The following ELL2 variants were observed in gnomAD, a reference collection of about 807,000 sequenced individuals.
ELL2 encodes elongation factor for RNA polymerase II 2.
ELL2 carries 21 observed loss-of-function variants against 72.8 expected under a neutral mutation model. The ratio of observed to expected loss-of-function variants is 0.29; its 90% CI spans 0.20 to 0.42. The LOEUF (loss-of-function observed/expected upper bound fraction) is 0.42, where lower values mean the gene tolerates loss of function less well. Among genes scored for constraint, ELL2 ranks in the 10% least tolerant of loss-of-function variants. The pLI is 1.00. For synonymous variants in ELL2, 266 were observed against 283.2 expected (o/e 0.94, Z 0.61); for missense variants, 568 against 772.8 (o/e 0.73, Z 3.14).
rs199989843 is a variant in ELL2 at position 95,936,332 on chromosome 5, GTA to G, written c.195+6668_195+6669del. Among the ~76,000 whole-genome samples, 9 of 152,294 alleles carry G rather than the reference GTA, an allele frequency of 5.9e-5. No homozygotes were observed. In the East Asian group the frequency reaches 1.7e-3, roughly 29 times the overall value. ...AGAATGTATACGTACCTATATATATGTATAGTCTCCAAACATTGTTATGACAG... is the reference window on the plus strand; with the variant it reads ...AGAATGTATACGTACCTATATATATGTAGTCTCCAAACATTGTTATGACAG... On this transcript the variant is annotated intron_variant, in intron 2 of 11. Coordinates refer to ENST00000237853, the MANE Select transcript of ELL2 (RefSeq NM_012081.6).
rs1409037840 is a variant in ELL2, at chr5:95,961,751, G to A, written c.-30C>T. The A allele has an allele frequency of 6.4e-7, 1 of 1,571,108 alleles. No individual in the cohort carries two copies. On this transcript the variant is annotated 5_prime_UTR_variant, in exon 1 of 12. Coordinates refer to ENST00000237853, the MANE Select transcript of ELL2 (RefSeq NM_012081.6). The stretch of plus-strand genomic sequence containing the variant: ...AACTCCCCGGGGTGCCGCCGCCGCC[G>A]CCGCTCCGGCTCTAGCCTCCACTGC...
intron 3 of ELL2, among the ~76,000 whole-genome samples, chr5:95,917,448 G>A (rs1195316390): frequency 6.6e-6 from 1 of 152,196 alleles, no homozygotes; most frequent in African/African-American, 2.4e-5. Flanking sequence ...GAAAGCCTCT[G>A]ACCTTGAAGA....
intron 10 of ELL2, among the ~76,000 whole-genome samples, chr5:95,889,596 G>C (rs1748583947): frequency 6.6e-6 from 1 of 152,076 alleles, no homozygotes; most frequent in African/African-American, 2.4e-5. Flanking sequence ...AAACACAATA[G>C]TATTCTAAGA....
intron 4 of ELL2, among the ~76,000 whole-genome samples, chr5:95,908,174 G>A (rs931493875): frequency 6.6e-6 from 1 of 152,164 alleles, no homozygotes; most frequent in African/African-American, 2.4e-5. Flanking sequence ...GATTTAGATT[G>A]GGGTTTCTGT....
chr5:95,899,464 T>TA (rs397701636), intron 7 of ELL2, among the ~76,000 whole-genome samples: 2 of 152,066 alleles, frequency 1.3e-5, no homozygotes, highest in African/African-American at 2.4e-5. Flanking sequence ...TTTTTTTTTT[T>TA]ACCGTTACAT....
intron 2 of ELL2, among the ~76,000 whole-genome samples, chr5:95,939,735 T>C (rs569293034): frequency 2.0e-4 from 31 of 152,332 alleles, no homozygotes; most frequent in African/African-American, 6.5e-4. Flanking sequence ...TTATCACCTG[T>C]CACATTTTCA....
chr5:95,914,450 G>GT (rs1210517566), intron 3 of ELL2, among the ~76,000 whole-genome samples: 1 of 152,102 alleles, frequency 6.6e-6, no homozygotes, highest in Non-Finnish European at 1.5e-5. Flanking sequence ...AGTCCAAAAA[G>GT]TTCCTAAAAA....
intron 8 of ELL2, among the ~76,000 whole-genome samples, chr5:95,897,010 A>G (rs573750202): frequency 2.6e-5 from 4 of 152,326 alleles, no homozygotes; most frequent in South Asian, 2.1e-4. Flanking sequence ...AAATTCAACT[A>G]TAAGAGTGTT....
chr5:95,903,545 T>G (rs982112332), intron 5 of ELL2, among the ~76,000 whole-genome samples: 2 of 152,122 alleles, frequency 1.3e-5, no homozygotes, highest in African/African-American at 4.8e-5. Context: ...CTTTGTTTTT[T>G]AAGTCTCTGT....
At position 95,913,894 on chromosome 5, in the gene ELL2, C is replaced by T; in HGVS notation, c.358G>A (p.Asp120Asn). ...SQLNCLGFIQ[D>N]KITVCATNDS... ...TTTGTTGCACACACTGTAATTTTAT[C>T]TTGTATAAATCCCAGGCAATTGAGC... Residue 120 changes from aspartate (D) to asparagine (N), a missense_variant, in exon 4 of 12, where the codon GAT becomes AAT. Transcript: ENST00000237853. 1 of 1,608,428 alleles carries T rather than the reference C, an allele frequency of 6.2e-7. No individual in the cohort carries two copies.
chr5:95,926,516 A>G (rs1426473093), intron 2 of ELL2, among the ~76,000 whole-genome samples: 1 of 152,196 alleles, frequency 6.6e-6, no homozygotes, highest in African/African-American at 2.4e-5. Flanking sequence ...ATAATTCAGG[A>G]AAAATAAGTC....
At chr5:95,916,479 A>G (rs1561498946) in intron 3 of ELL2, among the ~76,000 whole-genome samples, 1 of 152,154 alleles carries the variant, frequency 6.6e-6, no homozygotes. Flanking sequence ...GTACTGTGTA[A>G]TGTAAGCCAC....
intron 3 of ELL2, among the ~76,000 whole-genome samples, chr5:95,918,891 C>CT (rs35459799): frequency 3.4e-4 from 36 of 104,366 alleles, no homozygotes; most frequent in African/African-American, 1.3e-3. Flanking sequence ...TTTTTTTTTT[C>CT]TTTTTTTTTA....
At chr5:95,922,808 C>CA (rs144516622) in intron 2 of ELL2, among the ~76,000 whole-genome samples, 1,885 of 152,006 alleles carry the variant, frequency 0.012, 23 homozygotes, top group Non-Finnish European at 0.019. Context: ...TAAAAAGAAA[C>CA]AAAGTTTTTA....
At position 95,906,752 on chromosome 5, in the gene ELL2, T is replaced by C; in HGVS notation, c.512A>G (p.Gln171Arg). The change falls in exon 5 of 12, where the codon CAA (glutamine) becomes CGA (arginine). Residue 171 changes from glutamine to arginine, a missense_variant. Physicochemically the swap from Gln to Arg is conservative, Grantham distance 43. Transcript: ENST00000237853. ...GKRVQIRKAP[Q>R]AVSDTVPERK... ...CTCAGGAACTGTATCTGAAACAGCT[T>C]GAGGTGCTTTCCGAATTTGCACTCT... 1 of 1,612,796 alleles carries C rather than the reference T, an allele frequency of 6.2e-7. No homozygotes were observed. The highest frequency in any genetic ancestry group is 8.5e-7 in the Non-Finnish European group (1 of 1,179,228).
chr5:95,885,168 T>TAAC lies in ELL2; in HGVS notation c.*3700_*3702dup, dbSNP rs1161524249. The TAAC allele has an allele frequency of 3.3e-5, 5 of 152,226 alleles. No homozygotes were observed. Among genetic ancestry groups the TAAC allele is most frequent in the African/African-American group, 9.7e-5 (4 of 41,446 alleles). 9.4% of individuals were successfully genotyped at this position (152,226 alleles called of 1,614,324 possible). On this transcript the variant is annotated 3_prime_UTR_variant, in exon 12 of 12. Transcript: ENST00000237853. ...GGGCAACCACAGCTGCTGAGCTCTG[T>TAAC]AACAACTGAAAAGCCCCTGTGACAT...
chr5:95,931,796 T>TTAAAA (rs1554077874), intron 2 of ELL2, among the ~76,000 whole-genome samples: 2 of 72,546 alleles, frequency 2.8e-5, no homozygotes, highest in African/African-American at 1.3e-4. Context: ...GCCCTATCCA[T>TTAAAA]AAAAAAAAAA....
At chr5:95,904,868 A>G (rs1250002666) in intron 5 of ELL2, among the ~76,000 whole-genome samples, 2 of 152,136 alleles carry the variant, frequency 1.3e-5, no homozygotes, top group African/African-American at 4.8e-5. Context: ...AATATGCCTG[A>G]TATCTTTCTT....
At chr5:95,909,136 G>A (rs1355558804) in intron 4 of ELL2, among the ~76,000 whole-genome samples, 4 of 152,162 alleles carry the variant, frequency 2.6e-5, no homozygotes, top group Non-Finnish European at 5.9e-5. Context: ...AAATAAGGGA[G>A]GCTAACTTTG....
Sources: gnomAD v4.1 joint callset for allele counts (sites outside exome capture counted in the v4.1 genomes callset) on GRCh38, gnomAD v4.1.1 for gene constraint, MANE v1.5 for transcripts, NCBI Gene and HGNC (gene_info 2026-07-23, HGNC 2026-07-21) for gene names.